The following MARCHF6 variants were observed in gnomAD, a reference collection of about 807,000 sequenced individuals.
MARCHF6 encodes E3 ubiquitin-protein ligase MARCHF6.
In MARCHF6, 31 loss-of-function variants were observed where a neutral mutation model predicts 133.7. The ratio of observed to expected loss-of-function variants is 0.23; its 90% CI spans 0.17 to 0.31. MARCHF6 has a LOEUF of 0.31. MARCHF6 is among the 10% of genes least tolerant of loss of function. The pLI is 1.00. For synonymous variants in MARCHF6, 395 were observed against 402.5 expected, an observed-to-expected ratio of 0.98 and a Z score of 0.22; for missense variants, 723 against 1,121.6, an observed-to-expected ratio of 0.64 and a Z score of 5.08.
At chr5:10,360,144 G>GTT (rs1164778520) in intron 1 of MARCHF6, among the ~76,000 whole-genome samples, 3,560 of 74,908 alleles carry the variant, frequency 0.048, 292 homozygotes, top group South Asian at 0.06. Context: ...ATGTGTGTGT[G>GTT]TTTTTTTTTT....
Position 10,377,719 on chromosome 5 carries a change from A to G in MARCHF6, c.20-79A>G, listed in dbSNP as rs1736877459. 1.0e-5 allele frequency: 9 copies of G among 864,202 alleles called. No individual in the cohort carries two copies. The East Asian group carries it at 1.2e-4, about 12-fold the overall frequency. The allele number at this position is 864,202 out of a possible 1,614,324, so 53.5% of individuals were successfully genotyped here. ...ATAGATTCTTGCTTTAATGTCCAAT[A>G]TTTTGGTTTATGCTTGTTTCTTGCT... is the stretch of plus-strand genomic sequence containing the variant. On this transcript the variant is annotated intron_variant, in intron 1 of 25. Transcript: ENST00000274140.
intron 1 of MARCHF6, among the ~76,000 whole-genome samples, chr5:10,376,519 A>G (rs749996567): frequency 6.6e-6 from 1 of 152,240 alleles, no homozygotes; most frequent in South Asian, 2.1e-4. Context: ...CTAATTCCGG[A>G]CACAATTTGA....
chr5:10,377,220 T>C (rs1489890508), intron 1 of MARCHF6, among the ~76,000 whole-genome samples: 1 of 152,158 alleles, frequency 6.6e-6, no homozygotes, highest in Non-Finnish European at 1.5e-5. Context: ...CTCATCTCTC[T>C]GTGGCCTGGT....
At chr5:10,369,299 A>G (rs1425035295) in intron 1 of MARCHF6, among the ~76,000 whole-genome samples, 1 of 152,220 alleles carries the variant, frequency 6.6e-6, no homozygotes, top group African/African-American at 2.4e-5. Context: ...TCCAGTCCCT[A>G]ACAACATCAG....
At chr5:10,391,793 A>G (rs1737863800) in intron 7 of MARCHF6, 62 bp downstream of exon 7, 1 of 1,382,076 alleles carries the variant, frequency 7.2e-7, no homozygotes, top group Admixed American at 2.8e-5. Flanking sequence ...ACTTGCATTG[A>G]GGAAAAGGGC....
chr5:10,407,039 T>G (rs1222054834), intron 16 of MARCHF6, 63 bp from the exon 17 acceptor site: 1 of 882,068 alleles, frequency 1.1e-6, no homozygotes, highest in East Asian at 2.5e-5. Flanking sequence ...CTCAGAAGTC[T>G]GCCTGTCTTG....
At chr5:10,413,059 A>T (rs1739319305) in intron 19 of MARCHF6, among the ~76,000 whole-genome samples, 1 of 152,170 alleles carries the variant, frequency 6.6e-6, no homozygotes, top group South Asian at 2.1e-4. Flanking sequence ...CACCCTCTGC[A>T]TGAGTCCACA....
Position 10,378,739 on chromosome 5 carries a change from G to T in MARCHF6, c.117-20G>T. 1 of 1,444,502 alleles carries T rather than the reference G, an allele frequency of 6.9e-7. No homozygotes were observed. The highest frequency in any genetic ancestry group is 9.7e-7 in the Non-Finnish European group (1 of 1,030,276). 89.5% of individuals were successfully genotyped at this position (1,444,502 alleles called of 1,614,324 possible). A position where few individuals can be genotyped will look rare whatever the true frequency, so the allele number is the denominator to read the frequency against. ...TCTTTGCTGTAAACACTGTACTTAT[G>T]AATCTATTTATAATTACAGCTTAGT... On this transcript the variant is annotated intron_variant, in intron 2 of 25. Coordinates refer to ENST00000274140, the MANE Select transcript of MARCHF6 (RefSeq NM_005885.4).
Position 10,353,866 on chromosome 5 carries a change from C to T in MARCHF6, c.-33C>T. 6.4e-7 allele frequency: 1 copy of T among 1,557,048 alleles called. No individual in the cohort carries two copies. Among genetic ancestry groups the T allele is most frequent in the Non-Finnish European group, 8.7e-7 (1 of 1,155,330 alleles). ...TTTCCCCGCCCGGCCGCGGGAGCCT[C>T]GTGGCTGCGTCACCGCCGCCCCCCC... On this transcript the variant is annotated 5_prime_UTR_variant, in exon 1 of 26. Coordinates refer to ENST00000274140, the MANE Select transcript of MARCHF6 (RefSeq NM_005885.4).
chr5:10,357,189 G>A (rs1735523352), intron 1 of MARCHF6, among the ~76,000 whole-genome samples: 1 of 147,986 alleles, frequency 6.8e-6, no homozygotes, highest in African/African-American at 2.5e-5. Flanking sequence ...TCAGAGAAAA[G>A]TCTATCCTTT....
At chr5:10,366,743 T>C (rs1736162205) in intron 1 of MARCHF6, among the ~76,000 whole-genome samples, 1 of 152,206 alleles carries the variant, frequency 6.6e-6, no homozygotes, top group Admixed American at 6.5e-5. Flanking sequence ...AGCTGCTTAA[T>C]TGATCACACG....
chr5:10,424,442 G>T (rs777888712), intron 23 of MARCHF6, among the ~76,000 whole-genome samples: 2 of 152,178 alleles, frequency 1.3e-5, no homozygotes, highest in Non-Finnish European at 2.9e-5. Flanking sequence ...GGCAATAGAG[G>T]GAGGACGGAA....
chr5:10,360,466 G>A (rs1183684688), intron 1 of MARCHF6, among the ~76,000 whole-genome samples: 2 of 152,122 alleles, frequency 1.3e-5, no homozygotes, highest in African/African-American at 2.4e-5. Context: ...TGTGCAGGAG[G>A]TCGGTGCCCC....
In MARCHF6 at chr5:10,394,758, A is replaced by G. The variant is rs1480920999; in HGVS notation, c.834A>G (p.Leu278=). ...AAEELTWERM[L]GLDGSLVFLE... ...ATCGTTTTTGTTTATTTTAGATGCT[A>G]GGACTTGATGGATCACTAGTTTTTC... The change falls in exon 9 of 26, where the codon CTA becomes CTG. Residue 278 remains leucine (L), a synonymous_variant. Transcript: ENST00000274140. The G allele has an allele frequency of 6.3e-7, 1 of 1,578,994 alleles. No homozygotes were observed. Among genetic ancestry groups the G allele is most frequent in the Non-Finnish European group, 8.7e-7 (1 of 1,154,108 alleles).
intron 24 of MARCHF6, among the ~76,000 whole-genome samples, chr5:10,429,404 T>G (rs1371310903): frequency 1.3e-5 from 2 of 151,680 alleles, no homozygotes; most frequent in East Asian, 1.9e-4. Context: ...CCTTTTTTTT[T>G]TTTTTTTTGA....
intron 4 of MARCHF6, among the ~76,000 whole-genome samples, chr5:10,383,461 G>C (rs1242467053): frequency 6.6e-6 from 1 of 152,210 alleles, no homozygotes; most frequent in Non-Finnish European, 1.5e-5. Flanking sequence ...TAGAGGTATA[G>C]AGATTGTATG....
intron 4 of MARCHF6, among the ~76,000 whole-genome samples, chr5:10,385,024 G>A (rs1335823812): frequency 1.3e-5 from 2 of 152,202 alleles, no homozygotes; most frequent in Non-Finnish European, 2.9e-5. Context: ...TGAAAAAAGA[G>A]CTAACTATTG....
Position 10,397,304 on chromosome 5 carries a change from C to A in MARCHF6, c.873C>A (p.Phe291Leu). The change falls in exon 10 of 26, where the codon TTC (phenylalanine) becomes TTA (leucine). Residue 291 changes from phenylalanine to leucine, a missense_variant. This residue lies in a region of MARCHF6 where 43 missense variants were observed against 97.9 expected (regional missense o/e 0.44). Transcript: ENST00000274140. Reference protein sequence around the residue: ...DGSLVFLEHVFWVVSLNTLFI... With the variant: ...DGSLVFLEHVLWVVSLNTLFI... ...CTTTTTTCCTTTAGGAACATGTCTTCTGGGTGGTATCTTTAAATACACTGT... is the reference window on the plus strand; with the variant it reads ...CTTTTTTCCTTTAGGAACATGTCTTATGGGTGGTATCTTTAAATACACTGT... 6.4e-7 allele frequency: 1 copy of A among 1,574,224 alleles called. No homozygotes were observed.
intron 9 of MARCHF6, among the ~76,000 whole-genome samples, chr5:10,395,141 G>A (rs2126742047): frequency 6.6e-6 from 1 of 152,272 alleles, no homozygotes; most frequent in South Asian, 2.1e-4. Context: ...TTGTCTTAGT[G>A]ATTCAGAAAC....
Sources: allele counts gnomAD v4.1 joint callset (sites outside exome capture counted in the v4.1 genomes callset), GRCh38; gene constraint gnomAD v4.1.1; regional missense constraint gnomAD v4.1.1; transcripts MANE v1.5; gene names NCBI Gene and HGNC (gene_info 2026-07-23, HGNC 2026-07-21).